Variants in SMYD3 observed in about 807,000 individuals in gnomAD.
SMYD3 encodes SET and MYND domain containing 3.
SMYD3 carries 36 observed loss-of-function variants against 57.7 expected under a neutral mutation model. The ratio of observed to expected loss-of-function variants is 0.62; its 90% CI spans 0.48 to 0.82. The LOEUF (loss-of-function observed/expected upper bound fraction) is 0.82, where lower values mean the gene tolerates loss of function less well. SMYD3 is among the 40% of genes least tolerant of loss of function. SMYD3 has a pLI of 0.00. For missense variants in SMYD3, 515 were observed against 538.8 expected, an observed-to-expected ratio of 0.96 and a Z score of 0.44; for synonymous variants, 211 against 195.0, an observed-to-expected ratio of 1.08 and a Z score of -0.68.
rs540286278 is a variant in SMYD3 at position 246,240,701 on chromosome 1, T to C, written c.531+86500A>G. 2.0e-5 allele frequency among the ~76,000 whole-genome samples: 3 copies of C among 152,372 alleles called. No individual in the cohort carries two copies. In the South Asian group the frequency reaches 6.2e-4, roughly 32 times the overall value. On this transcript the variant is annotated intron_variant, in intron 5 of 11. Transcript: ENST00000490107. ...TTGGGCTGTATGGCCATTTTCATGA[T>C]ATTGATTCTTCCTATCCATGAGCAT...
intron 5 of SMYD3, among the ~76,000 whole-genome samples, chr1:246,195,066 G>C (rs1275630144): frequency 6.6e-6 from 1 of 152,174 alleles, no homozygotes; most frequent in Non-Finnish European, 1.5e-5. Flanking sequence ...TCTCTTGAAT[G>C]TCTGGCAAAG....
At chr1:246,005,328 C>A (rs1269144776) in intron 5 of SMYD3, among the ~76,000 whole-genome samples, 1 of 152,212 alleles carries the variant, frequency 6.6e-6, no homozygotes, top group Non-Finnish European at 1.5e-5. Context: ...CTCACAGTAG[C>A]AAAGCAAACG....
At chr1:246,272,788 G>T (rs2064247249) in intron 5 of SMYD3, among the ~76,000 whole-genome samples, 1 of 152,152 alleles carries the variant, frequency 6.6e-6, no homozygotes, top group Non-Finnish European at 1.5e-5. Context: ...ACAGGGTAAT[G>T]TTGGCCTCAT....
intron 7 of SMYD3, among the ~76,000 whole-genome samples, chr1:245,924,558 G>T (rs1441173640): frequency 6.6e-6 from 1 of 151,892 alleles, no homozygotes; most frequent in Non-Finnish European, 1.5e-5. Flanking sequence ...ATCTTAAACT[G>T]GCAGTAGACT....
intron 5 of SMYD3, among the ~76,000 whole-genome samples, chr1:246,256,398 C>T (rs1278948442): frequency 6.6e-6 from 1 of 152,170 alleles, no homozygotes; most frequent in East Asian, 1.9e-4. Flanking sequence ...CAAGTTCACA[C>T]TTAGTATTAA....
At chr1:245,806,610 TG>T (rs1363985476) in intron 10 of SMYD3, among the ~76,000 whole-genome samples, 4 of 151,800 alleles carry the variant, frequency 2.6e-5, no homozygotes, top group African/African-American at 7.3e-5. Context: ...ACTTTCAAAG[TG>T]GGTTAAAAGA....
chr1:246,223,396 T>G (rs1439401818), intron 5 of SMYD3, among the ~76,000 whole-genome samples: 1 of 152,258 alleles, frequency 6.6e-6, no homozygotes, highest in East Asian at 1.9e-4. Context: ...AGCACCTGAC[T>G]GGGAGTAACT....
intron 5 of SMYD3, among the ~76,000 whole-genome samples, chr1:246,036,655 G>A (rs925480106): frequency 1.3e-5 from 2 of 149,192 alleles, no homozygotes; most frequent in African/African-American, 5.0e-5. Flanking sequence ...CCGGGTTTAC[G>A]CCATTCTCCT....
At chr1:245,984,765 C>T (rs2058669691) in intron 5 of SMYD3, among the ~76,000 whole-genome samples, 1 of 152,160 alleles carries the variant, frequency 6.6e-6, no homozygotes, top group African/African-American at 2.4e-5. Flanking sequence ...TTTCCCTAAG[C>T]ATATAAACAT....
intron 5 of SMYD3, chr1:245,947,368 T>C (rs766442490): frequency 6.6e-5 from 30 of 456,946 alleles, no homozygotes; most frequent in South Asian, 3.6e-4. Context: ...AGAGACAGAA[T>C]AGAAAAGTAA....
chr1:246,499,347 C>A (rs1291908400), intron 1 of SMYD3, among the ~76,000 whole-genome samples: 1 of 151,296 alleles, frequency 6.6e-6, no homozygotes, highest in Non-Finnish European at 1.5e-5. Flanking sequence ...ATTGTTACAA[C>A]ATAATAAATT....
At chr1:246,130,491 A>G (rs915783104) in intron 5 of SMYD3, among the ~76,000 whole-genome samples, 1 of 152,136 alleles carries the variant, frequency 6.6e-6, no homozygotes, top group East Asian at 1.9e-4. Context: ...TAAAAACTGC[A>G]TCAGTGAAAG....
At chr1:246,493,963 C>G (rs1196313622) in intron 1 of SMYD3, among the ~76,000 whole-genome samples, 3 of 152,216 alleles carry the variant, frequency 2.0e-5, no homozygotes, top group Non-Finnish European at 4.4e-5. Context: ...GGCCCTCTAC[C>G]AGTCCCCTAG....
chr1:246,506,978 G>GCCCCCCCCACC, intron 1 of SMYD3, 76 bp downstream of exon 1: 1 of 1,174,516 alleles, frequency 8.5e-7, no homozygotes. Context: ...CGCGGCTGCC[G>GCCCCCCCCACC]GCCGCCCGAC....
At chr1:245,801,822 A>AAAAAC (rs1000871671) in intron 10 of SMYD3, among the ~76,000 whole-genome samples, 24 of 152,290 alleles carry the variant, frequency 1.6e-4, no homozygotes, top group Admixed American at 5.2e-4. Flanking sequence ...GTAGCTTTAA[A>AAAAAC]AAAACAAAAC....
chr1:246,180,759 CAAAAAAAAAAAAAAAAAAAAAAA>C (rs61346746), intron 5 of SMYD3, among the ~76,000 whole-genome samples: 6 of 29,242 alleles, frequency 2.1e-4, no homozygotes, highest in East Asian at 3.4e-3. Flanking sequence ...GACTCTGTCT[CAAAAAAAAAAAAAAAAAAAAAAA>C]AAAAAAAAAA....
intron 10 of SMYD3, among the ~76,000 whole-genome samples, chr1:245,831,737 ATC>A (rs1197577800): frequency 1.3e-5 from 2 of 152,204 alleles, no homozygotes; most frequent in Non-Finnish European, 2.9e-5. Context: ...ACTTCAACTC[ATC>A]ACTGACAAGG....
intron 5 of SMYD3, among the ~76,000 whole-genome samples, chr1:245,932,056 T>G (rs2056755946): frequency 6.6e-6 from 1 of 152,214 alleles, no homozygotes; most frequent in African/African-American, 2.4e-5. Flanking sequence ...ATTTTTGAAA[T>G]TTTAAACATT....
intron 5 of SMYD3, among the ~76,000 whole-genome samples, chr1:246,302,834 G>A (rs930810888): frequency 6.6e-6 from 1 of 152,112 alleles, no homozygotes; most frequent in Admixed American, 6.5e-5. Context: ...GAACCAATAA[G>A]CAAGTCTATG....
Sources: gnomAD v4.1 joint callset for allele counts (sites outside exome capture counted in the v4.1 genomes callset) on GRCh38, gnomAD v4.1.1 for gene constraint, MANE v1.5 for transcripts, NCBI Gene and HGNC (gene_info 2026-07-23, HGNC 2026-07-21) for gene names.